The following C7orf78 variants were observed in gnomAD, a reference collection of about 807,000 sequenced individuals.
C7orf78 encodes the protein chromosome 7 open reading frame 78.
chr7:12,521,744 C>G, the C7orf78 span, among the ~76,000 whole-genome samples: 1 of 149,998 alleles, frequency 6.7e-6, no homozygotes, highest in Non-Finnish European at 1.5e-5. Context: ...AACTTGCTAA[C>G]CATTTTCCTG....
chr7:12,493,559 T>A, the C7orf78 span, among the ~76,000 whole-genome samples: 1 of 152,198 alleles, frequency 6.6e-6, no homozygotes, highest in African/African-American at 2.4e-5. Context: ...CCAATGATAC[T>A]CATGCTCTTG....
At chr7:12,505,011 G>T in the C7orf78 span, among the ~76,000 whole-genome samples, 1 of 151,944 alleles carries the variant, frequency 6.6e-6, no homozygotes, top group Admixed American at 6.6e-5. Context: ...ACTAACTAAA[G>T]AAATGTATTC....
chr7:12,531,130 T>C, the C7orf78 span: 5 of 398,144 alleles, frequency 1.3e-5, no homozygotes, highest in East Asian at 1.1e-4. Context: ...TAGATACTTA[T>C]ATTAACTCTT....
the C7orf78 span, among the ~76,000 whole-genome samples, chr7:12,510,833 A>G: frequency 6.6e-6 from 1 of 152,080 alleles, no homozygotes; most frequent in Middle Eastern, 3.2e-3. Flanking sequence ...ATTCTCTTCT[A>G]TTCTGTAGAT....
chr7:12,518,602 G>T, the C7orf78 span, among the ~76,000 whole-genome samples: 11 of 152,272 alleles, frequency 7.2e-5, no homozygotes, highest in Admixed American at 2.6e-4. Flanking sequence ...CCATCTTCAG[G>T]TTCCTAGGGG....
chr7:12,493,410 G>T, the C7orf78 span, among the ~76,000 whole-genome samples: 6 of 152,180 alleles, frequency 3.9e-5, no homozygotes, highest in African/African-American at 1.4e-4. Context: ...ATACTCTGAG[G>T]GAGAGGTTCT....
the C7orf78 span, among the ~76,000 whole-genome samples, chr7:12,515,855 T>A: frequency 6.6e-6 from 1 of 152,268 alleles, no homozygotes. Flanking sequence ...CAGAAGAAAT[T>A]TCTAAGCAGC....
the C7orf78 span, chr7:12,530,366 A>C: frequency 6.6e-6 from 1 of 152,172 alleles, no homozygotes; most frequent in Non-Finnish European, 1.5e-5. Flanking sequence ...TTTGGGGGTA[A>C]AATACTTTTA....
At chr7:12,499,893 G>T in the C7orf78 span, among the ~76,000 whole-genome samples, 693 of 139,702 alleles carry the variant, frequency 5.0e-3, 7 homozygotes, top group Admixed American at 6.6e-3. Flanking sequence ...TCAGACCACA[G>T]TGCAATCAAA....
chr7:12,527,749 T>C, the C7orf78 span, among the ~76,000 whole-genome samples: 16 of 147,826 alleles, frequency 1.1e-4, no homozygotes, highest in South Asian at 2.3e-4. Flanking sequence ...GTATATGCTA[T>C]GTGTCACTCA....
the C7orf78 span, among the ~76,000 whole-genome samples, chr7:12,532,933 C>G: frequency 2.6e-5 from 4 of 152,184 alleles, no homozygotes; most frequent in South Asian, 8.3e-4. Context: ...AAAGCTGTCT[C>G]CAGATGGGTA....
At chr7:12,508,184 G>C in the C7orf78 span, among the ~76,000 whole-genome samples, 32 of 152,194 alleles carry the variant, frequency 2.1e-4, 1 homozygote, top group East Asian at 6.2e-3. Context: ...CAGGGCATTC[G>C]GTAAAGTCTT....
chr7:12,520,317 A>ACAGCAG, the C7orf78 span, among the ~76,000 whole-genome samples: 4 of 152,266 alleles, frequency 2.6e-5, no homozygotes, highest in African/African-American at 9.6e-5. Context: ...TCTAGTCAGC[A>ACAGCAG]TCTTGAAGCT....
the C7orf78 span, among the ~76,000 whole-genome samples, chr7:12,486,315 A>G: frequency 1.3e-5 from 2 of 152,042 alleles, no homozygotes; most frequent in African/African-American, 4.8e-5. Flanking sequence ...TATAGTTCAT[A>G]TGAGTCCTGT....
chr7:12,539,471 A>G, the C7orf78 span, among the ~76,000 whole-genome samples: 64 of 152,248 alleles, frequency 4.2e-4, no homozygotes, highest in African/African-American at 1.5e-3. Flanking sequence ...CTCAAAAAAC[A>G]AAAAAACAAA....
the C7orf78 span, among the ~76,000 whole-genome samples, chr7:12,527,240 C>G: frequency 0.23 from 12,422 of 54,484 alleles, 140 homozygotes; most frequent in African/African-American, 0.34. Context: ...CTGTGTAATT[C>G]AAATGGAACA....
At chr7:12,483,627 T>A in the C7orf78 span, 1 of 150,682 alleles carries the variant, frequency 6.6e-6, no homozygotes, top group South Asian at 2.1e-4. Flanking sequence ...CCCAGCCCTT[T>A]GGAAGCCTGA....
chr7:12,514,152 T>G, the C7orf78 span, among the ~76,000 whole-genome samples: 1 of 152,178 alleles, frequency 6.6e-6, no homozygotes, highest in African/African-American at 2.4e-5. Flanking sequence ...GGTGTTCAAG[T>G]ATCCCACTAT....
chr7:12,525,491 A>C, the C7orf78 span, among the ~76,000 whole-genome samples: 1 of 152,102 alleles, frequency 6.6e-6, no homozygotes, highest in African/African-American at 2.4e-5. Flanking sequence ...TAAGATTGCA[A>C]GTTTAAGATT....
Sources: gnomAD v4.1 joint callset for allele counts (sites outside exome capture counted in the v4.1 genomes callset) on GRCh38, gnomAD v4.1.1 for gene constraint, MANE v1.5 for transcripts, NCBI Gene and HGNC (gene_info 2026-07-23, HGNC 2026-07-21) for gene names.